The following ZNF454 variants were observed in gnomAD, a reference collection of about 807,000 sequenced individuals.
ZNF454 encodes zinc finger protein 454.
ZNF454 carries 30 observed loss-of-function variants against 48.2 expected under a neutral mutation model. The observed-to-expected ratio is 0.62, with a 90% CI of 0.47 to 0.84. ZNF454 has a LOEUF of 0.84. Among genes scored for constraint, ZNF454 ranks in the 40% least tolerant of loss-of-function variants. ZNF454 has a pLI of 0.00. For synonymous variants in ZNF454, 204 were observed against 211.4 expected, an observed-to-expected ratio of 0.97 and a Z score of 0.30; for missense variants, 510 against 623.1, an observed-to-expected ratio of 0.82 and a Z score of 1.93.
chr5:178,972,468 G>A, the ZNF454 span, among the ~76,000 whole-genome samples: 1 of 152,202 alleles, frequency 6.6e-6, no homozygotes, highest in South Asian at 2.1e-4. Context: ...TGGACAAGTC[G>A]GTGCTGCCTG....
chr5:178,984,446 AT>A, the ZNF454 span, among the ~76,000 whole-genome samples: 1 of 152,206 alleles, frequency 6.6e-6, no homozygotes, highest in East Asian at 1.9e-4. Context: ...GCAGCCCGTC[AT>A]GACGTGGTAG....
At chr5:178,959,649 A>C (rs1201416779) in intron 4 of ZNF454, among the ~76,000 whole-genome samples, 2 of 152,036 alleles carry the variant, frequency 1.3e-5, no homozygotes, top group Non-Finnish European at 2.9e-5. Context: ...TCTGTTGCCC[A>C]GGCTGGAGTG....
chr5:178,971,516 C>T, the ZNF454 span, among the ~76,000 whole-genome samples: 16 of 152,038 alleles, frequency 1.1e-4, no homozygotes, highest in African/African-American at 2.4e-4. Context: ...TACTACATAT[C>T]GAAGACGTGC....
the ZNF454 span, chr5:178,985,557 G>T: frequency 7.2e-4 from 244 of 338,290 alleles, 1 homozygote; most frequent in Non-Finnish European, 1.1e-3. Flanking sequence ...CAAAAAATTA[G>T]CCGGGCGTGG....
chr5:178,975,090 C>G, the ZNF454 span, among the ~76,000 whole-genome samples: 1 of 152,162 alleles, frequency 6.6e-6, no homozygotes, highest in Non-Finnish European at 1.5e-5. Context: ...GGCCGATCAC[C>G]TGAAGTCAGG....
chr5:178,956,670 A>ATTTTAT lies in ZNF454; in HGVS notation c.251-7982_251-7981insTATTTT, dbSNP rs113596251. 6.3e-4 allele frequency among the ~76,000 whole-genome samples: 51 copies of ATTTTAT among 81,042 alleles called. No individual in the cohort carries two copies. The East Asian group carries it at 7.5e-3, about 12-fold the overall frequency. 53.2% of individuals were successfully genotyped at this position (81,042 alleles called of 152,430 possible). Reference sequence around the variant, plus strand: ...CTTAAACCAGTCTTTATTTTATTTTATTTAATTTATTTATTTATTTATTTA... The same window carrying ATTTTAT: ...CTTAAACCAGTCTTTATTTTATTTTATTTTATTTTAATTTATTTATTTATTTATTTA... On this transcript the variant is annotated intron_variant, in intron 4 of 4. Transcript: ENST00000519564.
intron 4 of ZNF454, among the ~76,000 whole-genome samples, chr5:178,952,249 G>A (rs1175452472): frequency 2.0e-5 from 3 of 152,068 alleles, no homozygotes; most frequent in African/African-American, 7.2e-5. Flanking sequence ...GTTTTAGCCG[G>A]GATGGTCTCG....
intron 4 of ZNF454, among the ~76,000 whole-genome samples, chr5:178,963,659 C>T (rs763244569): frequency 2.0e-5 from 3 of 151,702 alleles, no homozygotes; most frequent in Non-Finnish European, 4.4e-5. Context: ...GCAGCTGCAG[C>T]GTTTATCCTG....
chr5:178,966,178 CTTTGGG>C lies in ZNF454; in HGVS notation c.*206_*211del. 1 of 463,064 alleles carries C rather than the reference CTTTGGG, an allele frequency of 2.2e-6. No individual in the cohort carries two copies. The highest frequency in any genetic ancestry group is 3.7e-6 in the Non-Finnish European group (1 of 268,316). 28.7% of individuals were successfully genotyped at this position (463,064 alleles called of 1,614,324 possible). A position where few individuals can be genotyped will look rare whatever the true frequency, so the allele number is the denominator to read the frequency against. ...GGGCACAGTGGCTCACGTCTGTAATCTTTGGGAGCACTTTGGGAGGCCGAGGTGGGC... is the reference window on the plus strand; with the variant it reads ...GGGCACAGTGGCTCACGTCTGTAATCAGCACTTTGGGAGGCCGAGGTGGGC... On this transcript the variant is annotated 3_prime_UTR_variant, in exon 5 of 5. Transcript: ENST00000519564.
chr5:178,980,619 GGTTTTTTTGGT>G, the ZNF454 span: 1 of 153,630 alleles, frequency 6.5e-6, no homozygotes. The surrounding 1 kb of genome is among the most constrained non-coding windows in gnomAD (Gnocchi z 4.3). Flanking sequence ...CAGGTTTGGG[GGTTTTTTTGGT>G]GTTTTTTTGT....
chr5:178,985,510 T>C, the ZNF454 span: 300 of 337,132 alleles, frequency 8.9e-4, 1 homozygote, highest in Admixed American at 2.6e-3. Flanking sequence ...GAGACCATCC[T>C]GGCTAACACG....
chr5:178,949,318 C>G (rs1165353951), intron 4 of ZNF454, among the ~76,000 whole-genome samples: 1 of 152,090 alleles, frequency 6.6e-6, no homozygotes, highest in African/African-American at 2.4e-5. Context: ...TCCCAAAGTG[C>G]TGGGATTACA....
chr5:178,958,510 A>C (rs1346262616), intron 4 of ZNF454, among the ~76,000 whole-genome samples: 1 of 152,198 alleles, frequency 6.6e-6, no homozygotes. Context: ...CATTTGGTTT[A>C]TTTCTAGCTT....
intron 4 of ZNF454, among the ~76,000 whole-genome samples, chr5:178,957,566 C>A (rs567961757): frequency 2.0e-5 from 3 of 151,932 alleles, no homozygotes; most frequent in African/African-American, 7.3e-5. Context: ...CCTGCCACCA[C>A]GTCCAGCTAA....
chr5:178,976,462 G>A, the ZNF454 span, among the ~76,000 whole-genome samples: 1 of 152,242 alleles, frequency 6.6e-6, no homozygotes, highest in African/African-American at 2.4e-5. Context: ...CAGTCTGTGG[G>A]GGGCAGTGAG....
chr5:178,989,215 T>TGCCCCCC, the ZNF454 span: 1 of 886,690 alleles, frequency 1.1e-6, no homozygotes, highest in Non-Finnish European at 1.6e-6. Flanking sequence ...CTCCCCACCC[T>TGCCCCCC]CACCACCCTC....
Position 178,965,410 on chromosome 5 carries a change from G to A in ZNF454, c.1006G>A (p.Ala336Thr). Residue 336 changes from alanine (A) to threonine (T), a missense_variant, in exon 5 of 5, where the codon GCC becomes ACC. Around this residue, in one of 3 missense-constraint regions of ZNF454, gnomAD observed 354 missense variants for 408.9 expected, o/e 0.87. Transcript: ENST00000519564. The surrounding 1 kb of genome is among the most constrained non-coding windows in gnomAD (Gnocchi z 5.2). ...CTATAAATGCAATGAATGTGGAAAA[G>A]CCTTTAATCAGAGTACAAGTTTCCT... Reference protein sequence around the residue: ...KPYKCNECGKAFNQSTSFLQH... With the variant: ...KPYKCNECGKTFNQSTSFLQH... 1 of 1,614,194 alleles carries A rather than the reference G, an allele frequency of 6.2e-7. No homozygotes were observed. Among genetic ancestry groups the A allele is most frequent in the South Asian group, 1.1e-5 (1 of 91,084 alleles).
rs576170080 is a variant in ZNF454, at chr5:178,966,083, T to G, written c.*110T>G. ...TGAAAGCTTGCATCAAGATAGTCAC[T>G]TTATTTACTGAGGGTCAGGTTTCAC... On this transcript the variant is annotated 3_prime_UTR_variant, in exon 5 of 5. Coordinates refer to ENST00000519564, the MANE Select transcript of ZNF454 (RefSeq NM_001178089.3). 1 of 1,009,026 alleles carries G rather than the reference T, an allele frequency of 9.9e-7. No individual in the cohort carries two copies. Among genetic ancestry groups the G allele is most frequent in the East Asian group, 2.4e-5 (1 of 41,632 alleles). The allele number at this position is 1,009,026 out of a possible 1,614,324, so 62.5% of individuals were successfully genotyped here.
At chr5:178,982,055 G>A in the ZNF454 span, among the ~76,000 whole-genome samples, 2 of 152,218 alleles carry the variant, frequency 1.3e-5, no homozygotes, top group Non-Finnish European at 2.9e-5. Flanking sequence ...GTGTGGGCAG[G>A]AGGGAGGGGT....
Sources: allele counts gnomAD v4.1 joint callset (sites outside exome capture counted in the v4.1 genomes callset), GRCh38; gene constraint gnomAD v4.1.1; regional missense constraint gnomAD v4.1.1; non-coding constraint Gnocchi (gnomAD v3.1); transcripts MANE v1.5; gene names NCBI Gene and HGNC (gene_info 2026-07-23, HGNC 2026-07-21).